The following KMT2C variants were observed in gnomAD, a reference collection of about 807,000 sequenced individuals.
The protein encoded by KMT2C is lysine methyltransferase 2C.
In KMT2C, 88 loss-of-function variants were observed where a neutral mutation model predicts 507.9. That is an observed-to-expected ratio of 0.17 (90% confidence interval 0.15 to 0.21). The LOEUF (loss-of-function observed/expected upper bound fraction) is 0.21, where lower values mean the gene tolerates loss of function less well. Among genes scored for constraint, KMT2C ranks in the 10% least tolerant of loss-of-function variants. The probability of loss-of-function intolerance (pLI) is 1.00; values close to 1 mark genes in which losing one functional copy is unlikely to be tolerated. For missense variants in KMT2C, 4,954 were observed against 5,957.8 expected, an observed-to-expected ratio of 0.83 and a Z score of 5.55; for synonymous variants, 2,049 against 2,080.8, an observed-to-expected ratio of 0.98 and a Z score of 0.42.
chr7:152,362,016 A>G (rs539647528), intron 1 of KMT2C, among the ~76,000 whole-genome samples: 2 of 152,350 alleles, frequency 1.3e-5, no homozygotes, highest in Admixed American at 1.3e-4. Flanking sequence ...AACACAGTGG[A>G]TACAGAAATA....
At chr7:152,410,103 A>G (rs2097665367) in intron 1 of KMT2C, among the ~76,000 whole-genome samples, 1 of 152,204 alleles carries the variant, frequency 6.6e-6, no homozygotes, top group South Asian at 2.1e-4. Flanking sequence ...TTACAAACCT[A>G]GTTCTGATTT....
chr7:152,304,825 G>A (rs948151759), intron 6 of KMT2C, among the ~76,000 whole-genome samples: 19 of 152,080 alleles, frequency 1.2e-4, no homozygotes, highest in African/African-American at 4.6e-4. Flanking sequence ...ACAGGTGGGA[G>A]GCACTGCACC....
intron 1 of KMT2C, among the ~76,000 whole-genome samples, chr7:152,370,316 T>C (rs565398857): frequency 6.6e-6 from 1 of 152,280 alleles, no homozygotes; most frequent in Non-Finnish European, 1.5e-5. Flanking sequence ...TCACCCAAGA[T>C]GAAATATGTA....
At chr7:152,281,173 G>A (rs1178017141) in intron 6 of KMT2C, among the ~76,000 whole-genome samples, 3 of 151,342 alleles carry the variant, frequency 2.0e-5, no homozygotes, top group Admixed American at 6.6e-5. Flanking sequence ...CTTCTATGTG[G>A]TGAGAACACA....
intron 1 of KMT2C, among the ~76,000 whole-genome samples, chr7:152,363,434 T>C (rs745538792): frequency 2.6e-5 from 4 of 152,194 alleles, no homozygotes; most frequent in African/African-American, 7.2e-5. Flanking sequence ...TAAAGTAACA[T>C]AGGAGACTTC....
chr7:152,241,032 C>T (rs1170235675), intron 14 of KMT2C, among the ~76,000 whole-genome samples: 3 of 152,190 alleles, frequency 2.0e-5, no homozygotes, highest in Non-Finnish European at 2.9e-5. Context: ...TTTCCCAATG[C>T]CTTTCTCCAA....
chr7:152,397,160 A>G (rs2097542530), intron 1 of KMT2C, among the ~76,000 whole-genome samples: 1 of 151,800 alleles, frequency 6.6e-6, no homozygotes, highest in Middle Eastern at 3.4e-3. Flanking sequence ...TATCCATCTC[A>G]TCAAATCCTT....
At chr7:152,412,542 T>G (rs545400394) in intron 1 of KMT2C, among the ~76,000 whole-genome samples, 3 of 152,164 alleles carry the variant, frequency 2.0e-5, no homozygotes, top group African/African-American at 7.2e-5. Context: ...ATTATTCTCC[T>G]GGCTCCGTAA....
At chr7:152,368,408 T>A in intron 1 of KMT2C, 7 of 1,130,808 alleles carry the variant, frequency 6.2e-6, no homozygotes, top group Non-Finnish European at 9.2e-6. Flanking sequence ...ATGAAGAAGA[T>A]AGAGATGGAG....
At position 152,368,701 on chromosome 7, in the gene KMT2C, T is replaced by G. The variant is rs2097267661; in HGVS notation, c.162-10026A>C. On this transcript the variant is annotated intron_variant, in intron 1 of 58. Coordinates refer to ENST00000262189, the MANE Select transcript of KMT2C (RefSeq NM_170606.3). ...ACCAGTTACGTATTAGTTGCCAATATGCCAGCTTGGACATCAGTGTTTGTT... is the reference window on the plus strand; with the variant it reads ...ACCAGTTACGTATTAGTTGCCAATAGGCCAGCTTGGACATCAGTGTTTGTT... 5 of 1,327,136 alleles carry G rather than the reference T, an allele frequency of 3.8e-6. No homozygotes were observed. The East Asian group carries it at 1.2e-4, about 33-fold the overall frequency. The allele number at this position is 1,327,136 out of a possible 1,614,324, so 82.2% of individuals were successfully genotyped here. A position where few individuals can be genotyped will look rare whatever the true frequency, so the allele number is the denominator to read the frequency against.
Position 152,154,350 on chromosome 7 carries a change from G to T in KMT2C, c.12056C>A (p.Pro4019Gln), listed in dbSNP as rs1419457131. The T allele has an allele frequency of 6.2e-7, 1 of 1,614,020 alleles. No homozygotes were observed. Among genetic ancestry groups the T allele is most frequent in the Non-Finnish European group, 8.5e-7 (1 of 1,180,016 alleles). ...SVVGVEVSRY[P>Q]DLSLVKEEPP... ...CTCCTCCTTGACCAATGACAGATCT[G>T]GATACCTGCTCACTTCTACCCCAAC... Residue 4019 changes from proline to glutamine, a missense_variant, in exon 47 of 59, where the codon CCA (proline) becomes CAA (glutamine). Transcript: ENST00000262189.
chr7:152,309,215 T>C (rs1008905720), intron 6 of KMT2C, among the ~76,000 whole-genome samples: 2 of 152,170 alleles, frequency 1.3e-5, no homozygotes, highest in Non-Finnish European at 2.9e-5. Flanking sequence ...AATTTTCATT[T>C]CTAAAATTTT....
Position 152,187,700 on chromosome 7 carries a change from A to G in KMT2C, c.4793+15T>C. 1 of 1,604,388 alleles carries G rather than the reference A, an allele frequency of 6.2e-7. No individual in the cohort carries two copies. Among genetic ancestry groups the G allele is most frequent in the Non-Finnish European group, 8.5e-7 (1 of 1,177,558 alleles). On this transcript the variant is annotated intron_variant, in intron 32 of 58. Coordinates refer to ENST00000262189, the MANE Select transcript of KMT2C (RefSeq NM_170606.3). The stretch of plus-strand genomic sequence containing the variant: ...TTAGTGCAATTTAAGTTTCCATAGA[A>G]AATAAGGCTTGTACCTGGCATCAGG...
chr7:152,307,706 T>A (rs990433068), intron 6 of KMT2C, among the ~76,000 whole-genome samples: 1 of 152,154 alleles, frequency 6.6e-6, no homozygotes, highest in Non-Finnish European at 1.5e-5. Context: ...TATTAATCAG[T>A]AAGAACAAAA....
At position 152,159,022 on chromosome 7, in the gene KMT2C, C is replaced by A. The variant is rs760321633; in HGVS notation, c.11511G>T (p.Leu3837Phe). ...TTTCACTTCCTCCATCTGTTTTTGG[C>A]AACTGGTTGCCACATCCAAAACCAC... ...MQGGFGCGNQLPKTDGGSETK... is the reference protein window; with the variant it reads ...MQGGFGCGNQFPKTDGGSETK... The change falls in exon 44 of 59, where the codon TTG becomes TTT. Residue 3837 changes from leucine to phenylalanine, a missense_variant. Leu to Phe is a conservative substitution (Grantham distance 22, BLOSUM62 0). This residue lies in a region of KMT2C where 801 missense variants were observed against 751.2 expected (regional missense o/e 1.07). Coordinates refer to ENST00000262189, the MANE Select transcript of KMT2C (RefSeq NM_170606.3). 1 of 1,614,098 alleles carries A rather than the reference C, an allele frequency of 6.2e-7. No individual in the cohort carries two copies. The highest frequency in any genetic ancestry group is 1.3e-5 in the African/African-American group (1 of 74,938).
intron 9 of KMT2C, among the ~76,000 whole-genome samples, chr7:152,255,120 T>TATATAC (rs2095629633): frequency 9.7e-6 from 1 of 103,024 alleles, no homozygotes. Flanking sequence ...TATATATATA[T>TATATAC]ATATATATAT....
chr7:152,375,409 G>A lies in KMT2C; in HGVS notation c.162-16734C>T, dbSNP rs962730906. Among the ~76,000 whole-genome samples, 7 of 150,916 alleles carry A rather than the reference G, an allele frequency of 4.6e-5. No individual in the cohort carries two copies. In the South Asian group the frequency reaches 1.0e-3, roughly 23 times the overall value. On this transcript the variant is annotated intron_variant, in intron 1 of 58. Transcript: ENST00000262189. ...GAACAAGTCTTTTTTTTTTTGAGAC[G>A]GAGTCTTGCTCTGTCGCCCAGGCTG... is the stretch of plus-strand genomic sequence containing the variant.
chr7:152,342,270 A>C (rs1191107548), intron 2 of KMT2C, among the ~76,000 whole-genome samples: 1 of 152,182 alleles, frequency 6.6e-6, no homozygotes, highest in African/African-American at 2.4e-5. Context: ...AATCCCTCAA[A>C]GGTTAGTCAC....
intron 6 of KMT2C, among the ~76,000 whole-genome samples, chr7:152,297,056 AGAGAGAGAGAGAG>A (rs2096517733): frequency 2.0e-3 from 86 of 42,058 alleles, no homozygotes; most frequent in South Asian, 5.3e-3. Context: ...AAAGAAAGAC[AGAGAGAGAGAGAG>A]AGAGAGAGAG....
Sources: gnomAD v4.1 joint callset for allele counts (sites outside exome capture counted in the v4.1 genomes callset) on GRCh38, gnomAD v4.1.1 for gene constraint, gnomAD v4.1.1 regional missense constraint, MANE v1.5 for transcripts, NCBI Gene and HGNC (gene_info 2026-07-23, HGNC 2026-07-21) for gene names.